The following EFCAB6 variants were observed in gnomAD, a reference collection of about 807,000 sequenced individuals.
The protein encoded by EFCAB6 is EF-hand calcium-binding domain-containing protein 6.
EFCAB6 carries 156 observed loss-of-function variants against 169.8 expected under a neutral mutation model. That is an observed-to-expected ratio of 0.92 (90% confidence interval 0.81 to 1.05). The LOEUF is 1.05. Ranked by LOEUF, EFCAB6 falls within the 50% of genes least tolerant of loss-of-function variation. The pLI is 0.00. For missense variants in EFCAB6, 1,800 were observed against 1,829.1 expected (o/e 0.98, Z 0.29); for synonymous variants, 698 against 676.4 (o/e 1.03, Z -0.50).
intron 26 of EFCAB6, among the ~76,000 whole-genome samples, chr22:43,565,277 G>C (rs1244380929): frequency 1.3e-5 from 2 of 152,368 alleles, no homozygotes; most frequent in African/African-American, 2.4e-5. Flanking sequence ...GAAGATGGCA[G>C]AGCTTAGCCC....
intron 10 of EFCAB6, among the ~76,000 whole-genome samples, chr22:43,697,352 G>C (rs1430975276): frequency 6.6e-6 from 1 of 152,062 alleles, no homozygotes; most frequent in Non-Finnish European, 1.5e-5. Flanking sequence ...TATTCTATGA[G>C]AAAACAGAAT....
intron 10 of EFCAB6, among the ~76,000 whole-genome samples, chr22:43,699,489 C>T (rs1271396061): frequency 6.6e-6 from 1 of 152,190 alleles, no homozygotes; most frequent in East Asian, 1.9e-4. Flanking sequence ...CCTGCCTTCG[C>T]TTGGGTAAAA....
chr22:43,578,192 C>A (rs189972685), intron 25 of EFCAB6, among the ~76,000 whole-genome samples: 1 of 152,166 alleles, frequency 6.6e-6, no homozygotes, highest in South Asian at 2.1e-4. Context: ...GGTTTATTCA[C>A]GCTGAGCCTC....
intron 12 of EFCAB6, among the ~76,000 whole-genome samples, 166 bp from the exon 13 acceptor site, chr22:43,678,329 C>CTGTGTGTGTGTGTGTGTGTG (rs137787): frequency 1.1e-3 from 156 of 144,356 alleles, no homozygotes; most frequent in African/African-American, 2.8e-3. Flanking sequence ...AACATGAGCA[C>CTGTGTGTGTGTGTGTGTGTG]TGTGTGTGTG....
intron 10 of EFCAB6, among the ~76,000 whole-genome samples, chr22:43,690,264 C>T (rs1272899658): frequency 1.4e-5 from 2 of 146,984 alleles, no homozygotes; most frequent in Admixed American, 7.0e-5. Context: ...CTTTGGGAGG[C>T]GGAGGCAGGC....
chr22:43,657,096 C>G (rs963383190), intron 17 of EFCAB6, among the ~76,000 whole-genome samples: 4 of 151,760 alleles, frequency 2.6e-5, no homozygotes, highest in Non-Finnish European at 4.4e-5. Flanking sequence ...TCAAGACCAG[C>G]CTGTGCAACT....
At chr22:43,655,404 A>C (rs1362062706) in intron 17 of EFCAB6, among the ~76,000 whole-genome samples, 2 of 151,400 alleles carry the variant, frequency 1.3e-5, no homozygotes, top group Non-Finnish European at 2.9e-5. Context: ...CAACAGTAAC[A>C]CAGGCTGCGT....
intron 17 of EFCAB6, among the ~76,000 whole-genome samples, chr22:43,638,789 CT>C (rs796807640): frequency 1.9e-3 from 276 of 144,806 alleles, no homozygotes; most frequent in Non-Finnish European, 2.0e-3. Context: ...GCACCCTGTT[CT>C]TTTTTTTTTT....
intron 24 of EFCAB6, among the ~76,000 whole-genome samples, chr22:43,588,308 C>T (rs2051215619): frequency 6.6e-6 from 1 of 152,154 alleles, no homozygotes; most frequent in Non-Finnish European, 1.5e-5. Context: ...AAAAGCAACA[C>T]TGAGGAGAGA....
chr22:43,640,337 C>T (rs889499726), intron 17 of EFCAB6, among the ~76,000 whole-genome samples: 10 of 152,196 alleles, frequency 6.6e-5, no homozygotes, highest in Middle Eastern at 3.4e-3. Flanking sequence ...TTCATGTGTT[C>T]GAGCAGGCAG....
chr22:43,810,256 G>A (rs535504106), intron 1 of EFCAB6, among the ~76,000 whole-genome samples: 94 of 152,338 alleles, frequency 6.2e-4, no homozygotes, highest in African/African-American at 2.0e-3. Flanking sequence ...CACACAGTAA[G>A]TGTTCAATTA....
At chr22:43,741,045 C>A (rs1435942095) in intron 6 of EFCAB6, among the ~76,000 whole-genome samples, 1 of 152,162 alleles carries the variant, frequency 6.6e-6, no homozygotes, top group Non-Finnish European at 1.5e-5. Flanking sequence ...AAGAATTGAG[C>A]TGCAGATGGC....
chr22:43,609,309 C>T (rs984837823), intron 21 of EFCAB6, among the ~76,000 whole-genome samples: 7 of 152,124 alleles, frequency 4.6e-5, no homozygotes, highest in Non-Finnish European at 7.3e-5. Flanking sequence ...CATTGTACTG[C>T]GGGGTCTCAG....
In EFCAB6 at chr22:43,576,298, T is replaced by C; in HGVS notation, c.3419A>G (p.Glu1140Gly). Residue 1140 changes from glutamate (E) to glycine (G), a missense_variant and splice_region_variant, in exon 26 of 32, where the codon GAG becomes GGG. Transcript: ENST00000262726. Reference sequence around the variant, plus strand: ...CTTATGTGCTGCAGACATTCTTACCTCCTCAAGGAAACAGCTAAAGTTCTG... The same window carrying C: ...CTTATGTGCTGCAGACATTCTTACCCCCTCAAGGAAACAGCTAAAGTTCTG... ...FLQNFSCFLEETADEWAEKMP... is the reference protein window; with the variant it reads ...FLQNFSCFLEGTADEWAEKMP... 6.3e-7 allele frequency: 1 copy of C among 1,577,490 alleles called. No individual in the cohort carries two copies. The highest frequency in any genetic ancestry group is 8.5e-7 in the Non-Finnish European group (1 of 1,170,328).
chr22:43,811,315 CGGAGGGGAAGGGGAGGGGAGGAGAGA>C (rs1209105399), intron 1 of EFCAB6, among the ~76,000 whole-genome samples: 2 of 66,788 alleles, frequency 3.0e-5, no homozygotes, highest in Admixed American at 4.6e-4. Context: ...GGGAGGGGAG[CGGAGGGGAAGGGGAGGGGAGGAGAGA>C]GGAGGGGAGG....
chr22:43,667,378 CCCAT>C, intron 16 of EFCAB6, 106 bp from the exon 17 acceptor site: 1 of 1,381,748 alleles, frequency 7.2e-7, no homozygotes, highest in Non-Finnish European at 9.9e-7. Flanking sequence ...AAGAAGGTTT[CCCAT>C]CCTCGGTTCA....
chr22:43,760,630 C>T (rs540739934), intron 5 of EFCAB6, among the ~76,000 whole-genome samples: 7 of 151,304 alleles, frequency 4.6e-5, no homozygotes, highest in East Asian at 3.9e-4. Flanking sequence ...CTGAAGGTTC[C>T]GCCCTCTTGA....
chr22:43,801,345 T>C (rs188877719), intron 2 of EFCAB6, among the ~76,000 whole-genome samples: 37 of 152,158 alleles, frequency 2.4e-4, no homozygotes, highest in Admixed American at 4.6e-4. Flanking sequence ...GAATTCAATC[T>C]GAAAGAAAGA....
At chr22:43,778,437 C>T (rs566514286) in intron 3 of EFCAB6, among the ~76,000 whole-genome samples, 10 of 152,236 alleles carry the variant, frequency 6.6e-5, no homozygotes, top group Non-Finnish European at 5.9e-5. Context: ...GTGAACCCTC[C>T]GAAGCATATG....
Sources: gnomAD v4.1 joint callset for allele counts (sites outside exome capture counted in the v4.1 genomes callset) on GRCh38, gnomAD v4.1.1 for gene constraint, MANE v1.5 for transcripts, NCBI Gene and HGNC (gene_info 2026-07-23, HGNC 2026-07-21) for gene names.